Variants in MEI1 observed in about 807,000 individuals in gnomAD.
MEI1 encodes meiotic double-stranded break formation protein 1.
In MEI1, 103 loss-of-function variants were observed where a neutral mutation model predicts 146.2. The ratio of observed to expected loss-of-function variants is 0.70; its 90% CI spans 0.60 to 0.83. The LOEUF (loss-of-function observed/expected upper bound fraction) is 0.83, where lower values mean the gene tolerates loss of function less well. Ranked by LOEUF, MEI1 falls within the 40% of genes least tolerant of loss-of-function variation. The pLI, the probability that MEI1 is intolerant of heterozygous loss-of-function variation, is 0.00. For missense variants in MEI1, 1,529 were observed against 1,533.0 expected, an observed-to-expected ratio of 1.00 and a Z score of 0.04; for synonymous variants, 652 against 628.2, an observed-to-expected ratio of 1.04 and a Z score of -0.57.
intron 5 of MEI1, 141 bp from the exon 6 acceptor site, chr22:41,717,930 G>A: frequency 1.4e-6 from 1 of 703,416 alleles, no homozygotes; most frequent in East Asian, 2.8e-5. Flanking sequence ...TTTGCCTTTA[G>A]ATTAAGCATG....
At chr22:41,715,676 G>A (rs925910857) in intron 4 of MEI1, among the ~76,000 whole-genome samples, 1 of 151,872 alleles carries the variant, frequency 6.6e-6, no homozygotes, top group Non-Finnish European at 1.5e-5. Flanking sequence ...ATTACAGCGT[G>A]AGCCACCACG....
intron 27 of MEI1, 88 bp downstream of exon 27, chr22:41,793,998 C>A: frequency 8.1e-7 from 1 of 1,227,118 alleles, no homozygotes; most frequent in Non-Finnish European, 1.2e-6. Flanking sequence ...GCCTTCCATT[C>A]CCTTGTGTGA....
At chr22:41,762,342 T>A (rs1290477834) in intron 18 of MEI1, among the ~76,000 whole-genome samples, 2 of 139,724 alleles carry the variant, frequency 1.4e-5, no homozygotes, top group Non-Finnish European at 3.1e-5. Context: ...TCCCCTCCCC[T>A]ACTCTACCCT....
At chr22:41,784,471 C>A (rs955023160) in intron 25 of MEI1, 51 bp downstream of exon 25, 1 of 1,603,850 alleles carries the variant, frequency 6.2e-7, no homozygotes, top group Admixed American at 1.7e-5. Flanking sequence ...CCTAGGTTTT[C>A]AGATAAGACC....
chr22:41,766,459 C>A (rs367771283), intron 19 of MEI1, among the ~76,000 whole-genome samples: 1 of 151,210 alleles, frequency 6.6e-6, no homozygotes, highest in East Asian at 2.0e-4. Context: ...TGTGAGCCAC[C>A]GTGCCTGGCT....
chr22:41,767,410 T>C (rs747172299), intron 19 of MEI1, among the ~76,000 whole-genome samples: 12 of 152,150 alleles, frequency 7.9e-5, no homozygotes, highest in Non-Finnish European at 1.8e-4. Flanking sequence ...CCTTTCTGAT[T>C]CTCATGGTCT....
intron 11 of MEI1, among the ~76,000 whole-genome samples, chr22:41,735,244 T>C (rs1282262084): frequency 2.7e-5 from 4 of 149,196 alleles, no homozygotes; most frequent in Admixed American, 6.7e-5. Flanking sequence ...TTTTTTTTTT[T>C]TTTTGAGATG....
chr22:41,771,934 A>G (rs1041905445), intron 20 of MEI1, among the ~76,000 whole-genome samples: 4 of 152,186 alleles, frequency 2.6e-5, no homozygotes, highest in African/African-American at 9.7e-5. Flanking sequence ...GTCTAGACCA[A>G]TCTAAGTCTG....
intron 15 of MEI1, among the ~76,000 whole-genome samples, chr22:41,749,400 C>T (rs975246341): frequency 6.6e-6 from 1 of 151,982 alleles, no homozygotes; most frequent in Non-Finnish European, 1.5e-5. Context: ...GTCAGCCTTC[C>T]AAGTAGCTGA....
rs1300026584 is a variant in MEI1, at chr22:41,730,633, G to C, written c.1092G>C (p.Val364=). The C allele has an allele frequency of 2.5e-6, 4 of 1,609,324 alleles. 1 individual carries two copies. The African/African-American group carries it at 5.3e-5, about 21-fold the overall frequency. The change falls in exon 9 of 31, where the codon GTG becomes GTC. Residue 364 remains valine, a synonymous_variant. Transcript: ENST00000401548. Reference sequence around the variant, plus strand: ...TCTTTTTTTCCAAGTGCCACACGGTGTATGGTTGGTAGTAAGGGTCCTGTA... The same window carrying C: ...TCTTTTTTTCCAAGTGCCACACGGTCTATGGTTGGTAGTAAGGGTCCTGTA... ...EPLFFSKCHT[V]YGIEAVVRSL...
intron 18 of MEI1, among the ~76,000 whole-genome samples, chr22:41,759,194 G>A (rs1414935542): frequency 6.6e-6 from 1 of 151,828 alleles, no homozygotes; most frequent in Admixed American, 6.6e-5. Flanking sequence ...TTCTTAAGCT[G>A]TAAGAAATAA....
At chr22:41,767,202 T>G (rs2074912689) in intron 19 of MEI1, among the ~76,000 whole-genome samples, 1 of 152,200 alleles carries the variant, frequency 6.6e-6, no homozygotes, top group Non-Finnish European at 1.5e-5. Flanking sequence ...CTTTATGTGG[T>G]ATCTTTATGA....
chr22:41,761,407 C>G (rs1026223582), intron 18 of MEI1, among the ~76,000 whole-genome samples: 1 of 151,204 alleles, frequency 6.6e-6, no homozygotes, highest in Non-Finnish European at 1.5e-5. Flanking sequence ...CTCTGCCTCC[C>G]GGGTTCACGC....
chr22:41,761,297 T>C (rs1447821452), intron 18 of MEI1, among the ~76,000 whole-genome samples: 1 of 146,240 alleles, frequency 6.8e-6, no homozygotes, highest in Non-Finnish European at 1.5e-5. Flanking sequence ...GGCGACAGAG[T>C]GAGACTCAGT....
intron 3 of MEI1, among the ~76,000 whole-genome samples, chr22:41,713,000 G>A (rs1174241282): frequency 6.6e-6 from 1 of 151,660 alleles, no homozygotes; most frequent in African/African-American, 2.4e-5. Flanking sequence ...TAGCAGAGAC[G>A]GGGTTTCACC....
At chr22:41,769,096 G>T (rs901142839) in intron 19 of MEI1, among the ~76,000 whole-genome samples, 1 of 151,952 alleles carries the variant, frequency 6.6e-6, no homozygotes, top group Non-Finnish European at 1.5e-5. Flanking sequence ...ATATGGAAAT[G>T]CAAAATAGTC....
chr22:41,781,476 A>G (rs1602129654), intron 23 of MEI1, 82 bp downstream of exon 23: 1 of 1,283,294 alleles, frequency 7.8e-7, no homozygotes, highest in Non-Finnish European at 1.1e-6. Context: ...TCTTAAAAAA[A>G]CAAATAGGGT....
intron 17 of MEI1, 98 bp from the exon 18 acceptor site, chr22:41,758,267 G>T: frequency 8.5e-7 from 1 of 1,181,868 alleles, no homozygotes; most frequent in Admixed American, 2.2e-5. Context: ...TACCCTTGCT[G>T]CCCTGTGCAG....
At chr22:41,705,436 G>A in intron 2 of MEI1, 68 bp from the exon 3 acceptor site, 1 of 1,358,562 alleles carries the variant, frequency 7.4e-7, no homozygotes, top group South Asian at 1.2e-5. Context: ...CTCCCAAATT[G>A]CTGGGGTACA....
Sources: gnomAD v4.1 joint callset for allele counts (sites outside exome capture counted in the v4.1 genomes callset) on GRCh38, gnomAD v4.1.1 for gene constraint, MANE v1.5 for transcripts, NCBI Gene and HGNC (gene_info 2026-07-23, HGNC 2026-07-21) for gene names.